Variants in ENOX1 observed in about 807,000 individuals in gnomAD.
ENOX1 encodes ecto-NOX disulfide-thiol exchanger 1.
A neutral mutation model predicts 82.5 loss-of-function variants in ENOX1; 42 were observed. That is an observed-to-expected ratio of 0.51 (90% CI 0.40 to 0.66). The LOEUF (loss-of-function observed/expected upper bound fraction) is 0.66, where lower values mean the gene tolerates loss of function less well. Ranked by LOEUF, ENOX1 falls within the 30% of genes least tolerant of loss-of-function variation. The probability of loss-of-function intolerance (pLI) is 0.00; values close to 1 mark genes in which losing one functional copy is unlikely to be tolerated. For synonymous variants in ENOX1, 271 were observed against 282.2 expected (o/e 0.96, Z 0.40); for missense variants, 608 against 811.6 (o/e 0.75, Z 3.05).
chr13:43,637,419 C>T (rs1195222534), intron 2 of ENOX1, among the ~76,000 whole-genome samples: 1 of 152,148 alleles, frequency 6.6e-6, no homozygotes. Context: ...AGCCTATCTG[C>T]CACAGATGAT....
intron 2 of ENOX1, among the ~76,000 whole-genome samples, chr13:43,532,700 T>C (rs138745794): frequency 6.6e-6 from 1 of 152,182 alleles, no homozygotes; most frequent in East Asian, 1.9e-4. Context: ...GGTTGAATAG[T>C]AATGCAGCTA....
chr13:43,556,910 A>G (rs144467880), intron 2 of ENOX1, among the ~76,000 whole-genome samples: 1,913 of 152,348 alleles, frequency 0.013, 34 homozygotes, highest in African/African-American at 0.044. Flanking sequence ...AGGGATTACC[A>G]GGGAAGGGAC....
chr13:43,592,399 C>T (rs1409953355), intron 2 of ENOX1, among the ~76,000 whole-genome samples: 1 of 152,140 alleles, frequency 6.6e-6, no homozygotes, highest in Non-Finnish European at 1.5e-5. Context: ...TTTATGGGAA[C>T]ATTCATGCAG....
At chr13:43,675,428 C>T (rs986727628) in intron 1 of ENOX1, among the ~76,000 whole-genome samples, 17 of 152,166 alleles carry the variant, frequency 1.1e-4, no homozygotes, top group African/African-American at 4.1e-4. Flanking sequence ...AATGTTCAGT[C>T]CTCCAAGGGA....
At chr13:43,398,073 A>G in intron 5 of ENOX1, among the ~76,000 whole-genome samples, 1 of 152,140 alleles carries the variant, frequency 6.6e-6, no homozygotes, top group East Asian at 1.9e-4. Context: ...TGCCTTTATG[A>G]CTTAATTACC....
chr13:43,565,623 G>A (rs757561509), intron 2 of ENOX1, among the ~76,000 whole-genome samples: 8 of 152,112 alleles, frequency 5.3e-5, no homozygotes, highest in Non-Finnish European at 1.0e-4. Flanking sequence ...CAATCCATTT[G>A]GGAGAATTTC....
intron 5 of ENOX1, among the ~76,000 whole-genome samples, chr13:43,367,756 G>A (rs554656864): frequency 6.6e-6 from 1 of 151,606 alleles, no homozygotes; most frequent in South Asian, 2.1e-4. Flanking sequence ...TGGGGTGGGT[G>A]CCAGGGGAGT....
At chr13:43,377,595 T>A (rs777746863) in intron 5 of ENOX1, among the ~76,000 whole-genome samples, 5 of 152,140 alleles carry the variant, frequency 3.3e-5, no homozygotes, top group African/African-American at 4.8e-5. Flanking sequence ...TCCAGATGAA[T>A]TGTGGAAGAA....
At chr13:43,649,978 T>C (rs1014396823) in intron 2 of ENOX1, among the ~76,000 whole-genome samples, 3 of 152,174 alleles carry the variant, frequency 2.0e-5, no homozygotes, top group Non-Finnish European at 4.4e-5. Context: ...CCTACTCTCT[T>C]GAACTTTTCC....
intron 2 of ENOX1, among the ~76,000 whole-genome samples, chr13:43,576,871 T>C (rs2080450442): frequency 6.6e-6 from 1 of 152,234 alleles, no homozygotes. Context: ...GCACCCAGCA[T>C]GCTTCCTGAC....
intron 3 of ENOX1, among the ~76,000 whole-genome samples, chr13:43,452,360 A>T (rs1011014942): frequency 8.5e-5 from 13 of 152,090 alleles, no homozygotes; most frequent in African/African-American, 3.1e-4. Flanking sequence ...TTATGAGTAA[A>T]AACATGCAGT....
intron 2 of ENOX1, among the ~76,000 whole-genome samples, chr13:43,541,648 C>A (rs779196324): frequency 6.6e-6 from 1 of 152,188 alleles, no homozygotes; most frequent in Non-Finnish European, 1.5e-5. Context: ...AAAGTTTCAT[C>A]GTATTGCATT....
chr13:43,495,645 C>A (rs9533513), intron 2 of ENOX1, among the ~76,000 whole-genome samples: 55,186 of 132,850 alleles, frequency 0.42, 12,352 homozygotes, highest in Non-Finnish European at 0.57. Flanking sequence ...AAAGCTATTA[C>A]AAACATTCTT....
chr13:43,507,026 T>G (rs576864299), intron 2 of ENOX1, among the ~76,000 whole-genome samples: 2 of 151,792 alleles, frequency 1.3e-5, no homozygotes, highest in African/African-American at 4.8e-5. Flanking sequence ...ATTGACAGAA[T>G]AGAACTTTTA....
chr13:43,388,400 A>G (rs2052562730), intron 5 of ENOX1, among the ~76,000 whole-genome samples: 1 of 152,196 alleles, frequency 6.6e-6, no homozygotes, highest in South Asian at 2.1e-4. Flanking sequence ...AGGGGAGAGT[A>G]CAGTGTTTCT....
chr13:43,459,171 G>A (rs1452118774), intron 3 of ENOX1: 2 of 152,182 alleles, frequency 1.3e-5, no homozygotes, highest in East Asian at 1.9e-4. Context: ...TTGTCCCTAT[G>A]TGGTACCATC....
intron 8 of ENOX1, among the ~76,000 whole-genome samples, chr13:43,354,689 C>A (rs2050038778): frequency 6.6e-6 from 1 of 152,164 alleles, no homozygotes; most frequent in South Asian, 2.1e-4. Flanking sequence ...TGGAATAAAA[C>A]CCAAATCCAG....
chr13:43,673,911 T>C (rs904143346), intron 1 of ENOX1, among the ~76,000 whole-genome samples: 1 of 152,194 alleles, frequency 6.6e-6, no homozygotes, highest in African/African-American at 2.4e-5. Flanking sequence ...ACTGCCTCTG[T>C]TCTCTCTTGC....
intron 2 of ENOX1, among the ~76,000 whole-genome samples, chr13:43,569,037 G>C (rs2080052239): frequency 6.6e-6 from 1 of 152,156 alleles, no homozygotes; most frequent in South Asian, 2.1e-4. Context: ...TATGCAAAAT[G>C]GCTGAGGTCT....
Sources: allele counts gnomAD v4.1 joint callset (sites outside exome capture counted in the v4.1 genomes callset), GRCh38; gene constraint gnomAD v4.1.1; transcripts MANE v1.5; gene names NCBI Gene and HGNC (gene_info 2026-07-23, HGNC 2026-07-21).